The following MLLT10 variants were observed in gnomAD, a reference collection of about 807,000 sequenced individuals.
MLLT10 encodes MLLT10 histone lysine methyltransferase DOT1L cofactor.
A neutral mutation model predicts 129.1 loss-of-function variants in MLLT10; 30 were observed. The observed-to-expected ratio is 0.23, with a 90% confidence interval of 0.17 to 0.32. The LOEUF (loss-of-function observed/expected upper bound fraction) is 0.32. MLLT10 is among the 10% of genes least tolerant of loss of function. The pLI, the probability that MLLT10 is intolerant of heterozygous loss-of-function variation, is 1.00. For missense variants in MLLT10, 1,119 were observed against 1,268.3 expected, an observed-to-expected ratio of 0.88 and a Z score of 1.79; for synonymous variants, 490 against 446.4, an observed-to-expected ratio of 1.10 and a Z score of -1.23.
Position 21,740,019 on chromosome 10 carries a change from T to C in MLLT10, c.2956-11T>C. 1 of 1,581,164 alleles carries C rather than the reference T, an allele frequency of 6.3e-7. No individual in the cohort carries two copies. Among genetic ancestry groups the C allele is most frequent in the Non-Finnish European group, 8.6e-7 (1 of 1,160,506 alleles). On this transcript the variant is annotated splice_polypyrimidine_tract_variant and intron_variant, in intron 21 of 22. Coordinates refer to ENST00000307729, the MANE Select transcript of MLLT10 (RefSeq NM_001195626.3). The stretch of plus-strand genomic sequence containing the variant: ...GGGAACTCATTTTCTCTCACATGTT[T>C]TTTGCCTAAGGAACAACATCAAGCC...
chr10:21,624,989 TC>T, intron 8 of MLLT10: 1 of 1,141,632 alleles, frequency 8.8e-7, no homozygotes, highest in Non-Finnish European at 1.3e-6. Context: ...TTCCTCCTCT[TC>T]CTCTTACTGC....
chr10:21,607,600 C>T (rs1429784090), intron 5 of MLLT10, among the ~76,000 whole-genome samples: 6 of 152,166 alleles, frequency 3.9e-5, no homozygotes, highest in South Asian at 2.1e-4. Context: ...GGATTACAGG[C>T]GTGAGCCACC....
chr10:21,624,970 G>A, intron 8 of MLLT10: 1 of 1,262,762 alleles, frequency 7.9e-7, no homozygotes, highest in Non-Finnish European at 1.1e-6. Flanking sequence ...GAAGCACCCT[G>A]CCCTCCCCTT....
At chr10:21,554,202 A>G (rs1314871895) in intron 3 of MLLT10, among the ~76,000 whole-genome samples, 1 of 152,138 alleles carries the variant, frequency 6.6e-6, no homozygotes, top group Non-Finnish European at 1.5e-5. Flanking sequence ...TTTAAAAAAA[A>G]TTTTGGATGT....
chr10:21,614,780 A>G (rs1383737512), intron 6 of MLLT10, 51 bp from the exon 7 acceptor site: 1 of 1,410,888 alleles, frequency 7.1e-7, no homozygotes, highest in South Asian at 1.2e-5. Flanking sequence ...TTATATATAC[A>G]GGTACTGTGA....
chr10:21,583,996 A>G (rs2041731264), intron 3 of MLLT10, among the ~76,000 whole-genome samples: 1 of 151,784 alleles, frequency 6.6e-6, no homozygotes, highest in African/African-American at 2.4e-5. Flanking sequence ...CAGCCTCCCA[A>G]GTAGCTGGGA....
chr10:21,542,532 T>C (rs2035359515), intron 3 of MLLT10, among the ~76,000 whole-genome samples: 1 of 152,224 alleles, frequency 6.6e-6, no homozygotes, highest in Non-Finnish European at 1.5e-5. Context: ...ATCGTGCCAT[T>C]GCACTCCATC....
chr10:21,737,924 A>T (rs2058508320), intron 21 of MLLT10, among the ~76,000 whole-genome samples: 1 of 152,174 alleles, frequency 6.6e-6, no homozygotes, highest in African/African-American at 2.4e-5. Flanking sequence ...GATCATTTTC[A>T]GTCTGTTTTT....
intron 8 of MLLT10, among the ~76,000 whole-genome samples, chr10:21,621,908 A>G (rs1009201326): frequency 2.0e-4 from 31 of 152,296 alleles, no homozygotes; most frequent in Non-Finnish European, 4.4e-4. Flanking sequence ...TTTATATTTA[A>G]TATTAAATAC....
chr10:21,681,330 A>G lies in MLLT10; in HGVS notation c.1622-2A>G. The G allele has an allele frequency of 1.9e-6, 3 of 1,612,612 alleles. No homozygotes were observed. Among genetic ancestry groups the G allele is most frequent in the South Asian group, 1.1e-5 (1 of 90,718 alleles). ...GATTTCCTTTTTCCTTCCTCTCAAC[A>G]GAAATTTCCATGCAGTATCGGCATG... On this transcript the variant is annotated splice_acceptor_variant, in intron 11 of 22. Transcript: ENST00000307729. LOFTEE classifies it high-confidence loss of function.
intron 21 of MLLT10, chr10:21,738,618 G>C (rs993359417): frequency 4.3e-6 from 5 of 1,166,478 alleles, no homozygotes; most frequent in Non-Finnish European, 5.4e-6. Context: ...GCTTGACTCT[G>C]CTTCCCCCAG....
chr10:21,544,867 C>T (rs571291395), intron 3 of MLLT10, among the ~76,000 whole-genome samples: 69 of 152,290 alleles, frequency 4.5e-4, no homozygotes, highest in African/African-American at 1.6e-3. Flanking sequence ...TATTGGAGGC[C>T]GGGCGCTGTG....
chr10:21,666,945 G>T (rs2050867060), intron 9 of MLLT10, among the ~76,000 whole-genome samples: 1 of 151,628 alleles, frequency 6.6e-6, no homozygotes, highest in African/African-American at 2.4e-5. Flanking sequence ...CCTTCTTTTT[G>T]GTATATTCAC....
intron 11 of MLLT10, among the ~76,000 whole-genome samples, chr10:21,675,401 G>A (rs980589104): frequency 6.6e-6 from 1 of 152,164 alleles, no homozygotes; most frequent in African/African-American, 2.4e-5. Flanking sequence ...CCTACAGTGG[G>A]AATAAAAAAT....
chr10:21,658,810 C>T (rs1022850765), intron 9 of MLLT10, among the ~76,000 whole-genome samples: 3 of 152,080 alleles, frequency 2.0e-5, no homozygotes, highest in Non-Finnish European at 4.4e-5. Context: ...ACTACAGGCG[C>T]CTACCACCAT....
intron 8 of MLLT10, among the ~76,000 whole-genome samples, chr10:21,638,753 AC>A (rs2047701408): frequency 1.3e-5 from 2 of 152,094 alleles, no homozygotes; most frequent in African/African-American, 4.8e-5. Context: ...TAGGGAGTGC[AC>A]ATCCCCATCT....
intron 5 of MLLT10, among the ~76,000 whole-genome samples, chr10:21,605,553 T>A (rs1000479278): frequency 1.3e-5 from 2 of 152,104 alleles, no homozygotes; most frequent in Non-Finnish European, 2.9e-5. Flanking sequence ...CAAGTGATCC[T>A]CCCCGCTCAG....
intron 5 of MLLT10, among the ~76,000 whole-genome samples, chr10:21,609,462 G>A (rs2044379247): frequency 6.6e-6 from 1 of 152,158 alleles, no homozygotes; most frequent in Non-Finnish European, 1.5e-5. Flanking sequence ...AGCCCCCTGA[G>A]CTTTATTGAT....
intron 3 of MLLT10, chr10:21,551,798 C>CT: frequency 5.0e-6 from 2 of 403,634 alleles, no homozygotes; most frequent in Admixed American, 3.1e-5. Flanking sequence ...CTGTCTCTCT[C>CT]TCTTTTTTTT....
Sources: gnomAD v4.1 joint callset for allele counts (sites outside exome capture counted in the v4.1 genomes callset) on GRCh38, gnomAD v4.1.1 for gene constraint, MANE v1.5 for transcripts, NCBI Gene and HGNC (gene_info 2026-07-23, HGNC 2026-07-21) for gene names.